Variants in DOCK4 observed in about 807,000 individuals in gnomAD.
DOCK4 encodes the protein dedicator of cytokinesis protein 4.
Under a neutral mutation model 268.1 loss-of-function variants are expected in DOCK4, and 97 were observed. The ratio of observed to expected loss-of-function variants is 0.36; its 90% CI spans 0.31 to 0.43. The LOEUF (loss-of-function observed/expected upper bound fraction) is 0.43. Among genes scored for constraint, DOCK4 ranks in the 20% least tolerant of loss-of-function variants. DOCK4 has a pLI of 1.00. For synonymous variants in DOCK4, 954 were observed against 887.2 expected (o/e 1.08, Z -1.34); for missense variants, 2,145 against 2,455.7 (o/e 0.87, Z 2.67).
chr7:111,734,717 G>A lies in DOCK4; in HGVS notation c.5419+337C>T, dbSNP rs148292155. Among the ~76,000 whole-genome samples, 13 of 152,300 alleles carry A rather than the reference G, an allele frequency of 8.5e-5. No homozygotes were observed. The East Asian group carries it at 9.6e-4, about 11-fold the overall frequency. On this transcript the variant is annotated intron_variant, in intron 51 of 52. Transcript: ENST00000428084. ...GACTGAAGAAAGTAGCTGAGTTAGC[G>A]GAGGTTGATAAGAATGAAGTGGTTC...
intron 27 of DOCK4, chr7:111,820,681 T>C (rs1801908832): frequency 1.3e-5 from 2 of 152,166 alleles, no homozygotes; most frequent in African/African-American, 4.8e-5. Context: ...TAAGCAGAAA[T>C]TGTATATGTA....
intron 36 of DOCK4, among the ~76,000 whole-genome samples, chr7:111,771,892 T>C (rs1272265430): frequency 2.0e-5 from 3 of 152,264 alleles, no homozygotes; most frequent in African/African-American, 7.2e-5. Context: ...GCTCAGGAGT[T>C]ACCTTCTTTG....
At chr7:112,191,352 T>C (rs1819936641) in intron 1 of DOCK4, among the ~76,000 whole-genome samples, 1 of 152,098 alleles carries the variant, frequency 6.6e-6, no homozygotes, top group Admixed American at 6.6e-5. Flanking sequence ...CACTGTTTGG[T>C]CCTTGGCTCC....
intron 37 of DOCK4, among the ~76,000 whole-genome samples, chr7:111,767,753 A>G (rs985141284): frequency 4.6e-5 from 7 of 152,164 alleles, no homozygotes; most frequent in Non-Finnish European, 8.8e-5. Flanking sequence ...CTCAGTGCAG[A>G]GGAGAGAATT....
chr7:111,752,447 A>G (rs113013188), intron 42 of DOCK4, among the ~76,000 whole-genome samples: 2,581 of 152,180 alleles, frequency 0.017, 34 homozygotes, highest in Middle Eastern at 0.041. Context: ...AGAAAGAGGC[A>G]CATTGTTTTC....
chr7:111,890,573 T>C (rs1249485499), intron 16 of DOCK4, among the ~76,000 whole-genome samples: 2 of 152,214 alleles, frequency 1.3e-5, no homozygotes, highest in African/African-American at 4.8e-5. Flanking sequence ...ACTCTAAATA[T>C]GTAATCAATC....
At chr7:112,111,210 A>C (rs1204509673) in intron 1 of DOCK4, among the ~76,000 whole-genome samples, 2 of 152,052 alleles carry the variant, frequency 1.3e-5, no homozygotes, top group African/African-American at 4.8e-5. Context: ...GACACCCAGG[A>C]GGGGTTGTGA....
At chr7:111,893,519 T>C (rs1256878959) in intron 16 of DOCK4, among the ~76,000 whole-genome samples, 1 of 152,222 alleles carries the variant, frequency 6.6e-6, no homozygotes, top group Non-Finnish European at 1.5e-5. Context: ...TACAAAGACA[T>C]TTATATGAAG....
At chr7:111,884,485 T>A (rs1457262888) in intron 16 of DOCK4, among the ~76,000 whole-genome samples, 1 of 152,210 alleles carries the variant, frequency 6.6e-6, no homozygotes, top group Non-Finnish European at 1.5e-5. Flanking sequence ...AATTCAAACA[T>A]TTTTAATTTA....
chr7:111,899,401 C>T lies in DOCK4; in HGVS notation c.1480+973G>A, dbSNP rs949593479. ...GCTCCCAAAGCTAGATTCACCAAAA[C>T]TTTCTCTGGTCACAATGTACACTGG... is the stretch of plus-strand genomic sequence containing the variant. On this transcript the variant is annotated intron_variant, in intron 15 of 52. Transcript: ENST00000428084. 2.0e-5 allele frequency among the ~76,000 whole-genome samples: 3 copies of T among 152,250 alleles called. No homozygotes were observed. The East Asian group carries it at 5.8e-4, about 29-fold the overall frequency.
intron 1 of DOCK4, among the ~76,000 whole-genome samples, chr7:112,014,877 C>A (rs1028373409): frequency 4.0e-5 from 6 of 151,768 alleles, no homozygotes; most frequent in African/African-American, 1.5e-4. Context: ...TGCACTCCGG[C>A]CTGAGAAACA....
intron 1 of DOCK4, among the ~76,000 whole-genome samples, chr7:112,171,649 C>T (rs962506673): frequency 5.9e-5 from 9 of 152,192 alleles, no homozygotes; most frequent in Non-Finnish European, 1.3e-4. Flanking sequence ...ACCCCGATTG[C>T]ATCCCTCTGT....
chr7:112,044,145 G>A (rs76382028), intron 1 of DOCK4, among the ~76,000 whole-genome samples: 5,663 of 152,234 alleles, frequency 0.037, 307 homozygotes, highest in African/African-American at 0.11. Flanking sequence ...CATACAGTAG[G>A]TATGTGGGAG....
intron 30 of DOCK4, among the ~76,000 whole-genome samples, chr7:111,794,393 G>A (rs1049465183): frequency 6.6e-6 from 1 of 152,186 alleles, no homozygotes; most frequent in South Asian, 2.1e-4. Flanking sequence ...GATAAACAGG[G>A]TGAATGAAAT....
intron 1 of DOCK4, among the ~76,000 whole-genome samples, chr7:112,070,404 CTG>C (rs1010034240): frequency 1.4e-4 from 21 of 152,072 alleles, no homozygotes; most frequent in African/African-American, 5.1e-4. Flanking sequence ...GCAAAAGTAA[CTG>C]TGGTTTTTGC....
At chr7:111,990,957 G>A (rs1310494895) in intron 5 of DOCK4, among the ~76,000 whole-genome samples, 1 of 152,196 alleles carries the variant, frequency 6.6e-6, no homozygotes, top group African/African-American at 2.4e-5. Context: ...ACTTGAGGAA[G>A]TCAGTGTAGG....
At chr7:111,960,262 G>C (rs139039096) in intron 8 of DOCK4, among the ~76,000 whole-genome samples, 3,016 of 151,456 alleles carry the variant, frequency 0.02, 109 homozygotes, top group African/African-American at 0.069. Flanking sequence ...CTACTTGGAG[G>C]CTGAGGCAGG....
At chr7:112,023,645 C>T (rs752428882) in intron 1 of DOCK4, 4 of 453,040 alleles carry the variant, frequency 8.8e-6, no homozygotes. Context: ...AAAACTCTGT[C>T]CTTGGAATCC....
chr7:112,085,805 G>A (rs1285867860), intron 1 of DOCK4, among the ~76,000 whole-genome samples: 1 of 152,116 alleles, frequency 6.6e-6, no homozygotes, highest in Non-Finnish European at 1.5e-5. Flanking sequence ...ATCTTCAGCA[G>A]TGTCCCTGGA....
Sources: allele counts gnomAD v4.1 joint callset (sites outside exome capture counted in the v4.1 genomes callset), GRCh38; gene constraint gnomAD v4.1.1; transcripts MANE v1.5; gene names NCBI Gene and HGNC (gene_info 2026-07-23, HGNC 2026-07-21).